Variants in MACC1 observed in about 807,000 individuals in gnomAD.
The protein encoded by MACC1 is MET transcriptional regulator MACC1.
In MACC1, 79 loss-of-function variants were observed where a neutral mutation model predicts 70.7. That is an observed-to-expected ratio of 1.12 (90% CI 0.93 to 1.35). MACC1 has a LOEUF of 1.35. Among genes scored for constraint, MACC1 ranks in the 40% most tolerant of loss-of-function variants. The pLI is 0.00. For missense variants in MACC1, 1,106 were observed against 978.1 expected, an observed-to-expected ratio of 1.13 and a Z score of -1.74; for synonymous variants, 361 against 347.2, an observed-to-expected ratio of 1.04 and a Z score of -0.44.
rs571441633 is a variant in MACC1 at position 20,162,439 on chromosome 7, A to C, written c.-8-569T>G. On this transcript the variant is annotated intron_variant, in intron 3 of 6. Coordinates refer to ENST00000400331, the MANE Select transcript of MACC1 (RefSeq NM_182762.4). ...ACACATACAGCAGCAATAACTTCTT[A>C]AGCTATTTTAATATTTACATAGAAA... 3.3e-5 allele frequency among the ~76,000 whole-genome samples: 5 copies of C among 152,272 alleles called. No homozygotes were observed. The South Asian group carries it at 1.0e-3, about 32-fold the overall frequency.
Position 20,159,077 on chromosome 7 carries a change from G to A in MACC1, c.1284C>T (p.Asp428=), listed in dbSNP as rs199756051. The change falls in exon 5 of 7, where the codon GAC becomes GAT. Residue 428 remains aspartate, a synonymous_variant. Transcript: ENST00000400331. ...TAGAAATACTTAAATCTTGTGGCTT[G>A]TCAAGTAAAAATGACTGCTTCCCCC... is the stretch of plus-strand genomic sequence containing the variant. ...QLWGKQSFLL[D]KPQDLSISIF... is the part of the protein sequence containing the mutation. The A allele has an allele frequency of 2.0e-5, 31 of 1,572,624 alleles. No individual in the cohort carries two copies. The highest frequency in any genetic ancestry group is 2.7e-5 in the Non-Finnish European group (31 of 1,163,650).
chr7:20,158,593 C>G lies in MACC1; in HGVS notation c.1768G>C (p.Gly590Arg), dbSNP rs775561249. 23 of 1,613,944 alleles carry G rather than the reference C, an allele frequency of 1.4e-5. No individual in the cohort carries two copies. In the South Asian group the frequency reaches 2.4e-4, roughly 17 times the overall value. The change falls in exon 5 of 7, where the codon GGT (glycine) becomes CGT (arginine). Residue 590 changes from glycine to arginine, a missense_variant. Transcript: ENST00000400331. ...LLGEGKVKAI[G>R]QSKVKEWYVG... ...TACCATTCTTTCACTTTGGACTGACCAATAGCTTTTACCTTACCTTCCCCG... is the reference window on the plus strand; with the variant it reads ...TACCATTCTTTCACTTTGGACTGACGAATAGCTTTTACCTTACCTTCCCCG...
chr7:20,164,515 C>T (rs1238449143), intron 2 of MACC1, 116 bp from the exon 3 acceptor site: 1 of 151,938 alleles, frequency 6.6e-6, no homozygotes, highest in Non-Finnish European at 1.5e-5. Context: ...TTAAATAAAT[C>T]CAAAAATTGT....
chr7:20,203,130 T>C lies in MACC1; in HGVS notation c.-218+14169A>G, dbSNP rs569049073. Among the ~76,000 whole-genome samples, 511 of 152,270 alleles carry C rather than the reference T, an allele frequency of 3.4e-3. 3 individuals carry two copies. Among genetic ancestry groups the C allele is most frequent in the Non-Finnish European group, 5.6e-3 (382 of 68,004 alleles). ...ATATATCTCCTGGTCACTCTTAGAT[T>C]AAAATTAAAAAAAGTCCTGGGTTAT... On this transcript the variant is annotated intron_variant, in intron 1 of 6. Transcript: ENST00000400331.
At chr7:20,191,283 G>A (rs1423618091) in intron 1 of MACC1, among the ~76,000 whole-genome samples, 4 of 152,210 alleles carry the variant, frequency 2.6e-5, no homozygotes, top group East Asian at 1.9e-4. Context: ...AGAGGAAGTT[G>A]TAGAACCCAT....
rs4721888 is a variant in MACC1 at position 20,161,772 on chromosome 7, G to C, written c.91C>G (p.Leu31Val). The change falls in exon 4 of 7, where the codon CTC (leucine) becomes GTC (valine). Residue 31 changes from leucine to valine, a missense_variant. Coordinates refer to ENST00000400331, the MANE Select transcript of MACC1 (RefSeq NM_182762.4). ...CCTGTAATATTGCAACTTTTTGAGA[G>C]TTTTCCAGCTTCCATGTCAATCAAA... ...ANLIDMEAGK[L>V]SKSCNITECQ... 136,447 of 1,609,940 alleles carry C rather than the reference G, an allele frequency of 0.085. 7,224 individuals are homozygous for C. The highest frequency in any genetic ancestry group is 0.25 in the East Asian group (11,257 of 44,664).
chr7:20,177,562 G>A (rs551298315), intron 1 of MACC1, among the ~76,000 whole-genome samples: 2 of 151,878 alleles, frequency 1.3e-5, no homozygotes, highest in South Asian at 2.1e-4. Context: ...CCCTATAAGT[G>A]CTTTTTTGTT....
chr7:20,143,164 C>T (rs1300247812), intron 6 of MACC1, among the ~76,000 whole-genome samples: 1 of 152,200 alleles, frequency 6.6e-6, no homozygotes, highest in African/African-American at 2.4e-5. Context: ...TATCTATGGC[C>T]TATCTTGCGG....
intron 1 of MACC1, among the ~76,000 whole-genome samples, chr7:20,201,453 G>T (rs1049400867): frequency 6.6e-6 from 1 of 152,168 alleles, no homozygotes; most frequent in African/African-American, 2.4e-5. Flanking sequence ...GCATAGCAGT[G>T]GGGTAGGGGC....
At chr7:20,155,379 C>T (rs767171068) in intron 5 of MACC1, among the ~76,000 whole-genome samples, 8 of 152,176 alleles carry the variant, frequency 5.3e-5, no homozygotes, top group South Asian at 4.2e-4. Context: ...ATAAATTAGG[C>T]GCAGTAAGAG....
At chr7:20,155,802 G>A (rs957818005) in intron 5 of MACC1, among the ~76,000 whole-genome samples, 1 of 152,154 alleles carries the variant, frequency 6.6e-6, no homozygotes, top group African/African-American at 2.4e-5. Context: ...ACAATACTGA[G>A]CTAGCGGGCC....
intron 5 of MACC1, among the ~76,000 whole-genome samples, chr7:20,157,284 T>C (rs1454885474): frequency 6.6e-6 from 1 of 152,154 alleles, no homozygotes; most frequent in Non-Finnish European, 1.5e-5. Flanking sequence ...TTATAAAATA[T>C]TGAATTTCTA....
chr7:20,158,061 CTA>C, intron 5 of MACC1, 141 bp downstream of exon 5: 1 of 963,044 alleles, frequency 1.0e-6, no homozygotes, highest in Non-Finnish European at 1.4e-6. Context: ...GTAGGAAAAA[CTA>C]TATTTGCTAT....
rs202092028 is a variant in MACC1, at chr7:20,158,973, C to T, written c.1388G>A (p.Gly463Asp). 2.5e-6 allele frequency: 4 copies of T among 1,614,032 alleles called. No individual in the cohort carries two copies. The South Asian group carries it at 3.3e-5, about 13-fold the overall frequency. Residue 463 changes from glycine (G) to aspartate (D), a missense_variant, in exon 5 of 7, where the codon GGT becomes GAT. Gly to Asp is a moderately conservative substitution (Grantham distance 94). Coordinates refer to ENST00000400331, the MANE Select transcript of MACC1 (RefSeq NM_182762.4). ...KEIKQKQLEA[G>D]EVVHQQFLFS... The stretch of plus-strand genomic sequence containing the variant: ...TAAAAATTGTTGATGAACTACTTCA[C>T]CTGCTTCCAACTGCTTTTGTTTAAT...
intron 1 of MACC1, among the ~76,000 whole-genome samples, chr7:20,216,385 T>A (rs2128110141): frequency 6.6e-6 from 1 of 152,270 alleles, no homozygotes; most frequent in Non-Finnish European, 1.5e-5. Context: ...TAACCATTTG[T>A]AAGTGTTTAC....
chr7:20,164,540 T>C (rs974784640), intron 2 of MACC1, 141 bp from the exon 3 acceptor site: 1 of 151,972 alleles, frequency 6.6e-6, no homozygotes, highest in Admixed American at 6.5e-5. Flanking sequence ...TAAGGTGGCA[T>C]GCTTAAAAAA....
chr7:20,214,639 T>C (rs1783043143), intron 1 of MACC1, among the ~76,000 whole-genome samples: 1 of 152,200 alleles, frequency 6.6e-6, no homozygotes, highest in South Asian at 2.1e-4. Context: ...AAGTACTTTT[T>C]GCCTACTAAC....
At chr7:20,160,783 T>C (rs112357208) in intron 4 of MACC1, among the ~76,000 whole-genome samples, 35 of 152,184 alleles carry the variant, frequency 2.3e-4, no homozygotes, top group Non-Finnish European at 4.1e-4. Context: ...TAAAATAACG[T>C]TTAAAACAAT....
Position 20,139,746 on chromosome 7 carries a change from A to G in MACC1, c.*1200T>C, listed in dbSNP as rs1369006875. On this transcript the variant is annotated 3_prime_UTR_variant, in exon 7 of 7. Transcript: ENST00000400331. ...CTCTTTGTGAACTTTGTCAGCCATT[A>G]GCATTTATACTGACCCAGGGTCCTA... 5 of 152,072 alleles carry G rather than the reference A, an allele frequency of 3.3e-5. No homozygotes were observed. Among genetic ancestry groups the G allele is most frequent in the Non-Finnish European group, 5.9e-5 (4 of 68,032 alleles). The allele number at this position is 152,072 out of a possible 1,614,324, so 9.4% of individuals were successfully genotyped here. A position where few individuals can be genotyped will look rare whatever the true frequency, so the allele number is the denominator to read the frequency against.
Sources: gnomAD v4.1 joint callset for allele counts (sites outside exome capture counted in the v4.1 genomes callset) on GRCh38, gnomAD v4.1.1 for gene constraint, MANE v1.5 for transcripts, NCBI Gene and HGNC (gene_info 2026-07-23, HGNC 2026-07-21) for gene names.